PDE3A: variants seen among roughly 807,000 people sequenced by gnomAD.
PDE3A encodes phosphodiesterase 3A, also known as cGMP-inhibited 3',5'-cyclic phosphodiesterase 3A.
In PDE3A, 43 loss-of-function variants were observed where a neutral mutation model predicts 98.3. The ratio of observed to expected loss-of-function variants is 0.44; its 90% CI spans 0.34 to 0.56. The LOEUF is 0.56. Among genes scored for constraint, PDE3A ranks in the 20% least tolerant of loss-of-function variants. The pLI, the probability that PDE3A is intolerant of heterozygous loss-of-function variation, is 0.01. For synonymous variants in PDE3A, 663 were observed against 567.9 expected (o/e 1.17, Z -2.38); for missense variants, 1,427 against 1,440.7 (o/e 0.99, Z 0.15).
In PDE3A at chr12:20,616,390, A is replaced by G. The variant is rs778226818; in HGVS notation, c.1424+6A>G. 5.9e-5 allele frequency: 95 copies of G among 1,612,184 alleles called. No homozygotes were observed. The Middle Eastern group carries it at 6.7e-4, about 11-fold the overall frequency. On this transcript the variant is annotated splice_donor_region_variant and intron_variant, in intron 4 of 15. Transcript: ENST00000359062. ...CAGGAAGCACCTTCATCCAGGTGGC[A>G]TACGGCTCCTGCTGGTTTAATGTCT...
intron 2 of PDE3A, among the ~76,000 whole-genome samples, chr12:20,597,576 A>G (rs1943496473): frequency 6.6e-6 from 1 of 152,134 alleles, no homozygotes; most frequent in Non-Finnish European, 1.5e-5. Context: ...CCATTTTCAA[A>G]GTTTGGAAAA....
intron 1 of PDE3A, among the ~76,000 whole-genome samples, chr12:20,457,282 A>G (rs1247985082): frequency 6.6e-6 from 1 of 150,758 alleles, no homozygotes; most frequent in East Asian, 1.9e-4. Context: ...TAAATTTTCT[A>G]TTTTTTTCAT....
intron 2 of PDE3A, among the ~76,000 whole-genome samples, chr12:20,565,978 T>C (rs1285742283): frequency 6.6e-6 from 1 of 151,870 alleles, no homozygotes; most frequent in East Asian, 1.9e-4. Context: ...ACAAAGGTGG[T>C]TTAGCAGTTA....
At chr12:20,586,064 G>A (rs1943189071) in intron 2 of PDE3A, among the ~76,000 whole-genome samples, 1 of 152,210 alleles carries the variant, frequency 6.6e-6, no homozygotes. Flanking sequence ...CTGGAGGAGG[G>A]TAATAGCTGG....
chr12:20,384,057 G>T (rs1221621556), intron 1 of PDE3A, among the ~76,000 whole-genome samples: 1 of 151,896 alleles, frequency 6.6e-6, no homozygotes, highest in African/African-American at 2.4e-5. Context: ...GTTGGGTATT[G>T]ATGGGCTGGT....
intron 15 of PDE3A, among the ~76,000 whole-genome samples, chr12:20,679,437 CA>C (rs1945715757): frequency 6.6e-6 from 1 of 152,030 alleles, no homozygotes; most frequent in Non-Finnish European, 1.5e-5. Context: ...TTAGTAGAGA[CA>C]GGGTTTCACC....
intron 1 of PDE3A, among the ~76,000 whole-genome samples, chr12:20,492,747 C>T (rs766908116): frequency 1.3e-5 from 2 of 152,100 alleles, no homozygotes; most frequent in Non-Finnish European, 2.9e-5. Context: ...TCACCTCAAC[C>T]TCCTTTCTTT....
intron 1 of PDE3A, among the ~76,000 whole-genome samples, chr12:20,520,073 G>A (rs974422022): frequency 6.6e-5 from 10 of 152,108 alleles, no homozygotes; most frequent in Non-Finnish European, 1.5e-4. Flanking sequence ...TATGTTTAAC[G>A]CTAAAGCCTG....
Position 20,680,144 on chromosome 12 carries a change from A to G in PDE3A, c.3299A>G (p.Glu1100Gly). Reference protein sequence around the residue: ...IEEEQRLAGIENQSLDQTPQS... With the variant: ...IEEEQRLAGIGNQSLDQTPQS... ...GAGGAGCAACGGTTGGCAGGCATAG[A>G]AAATCAATCCCTGGACCAGACCCCT... The change falls in exon 16 of 16, where the codon GAA becomes GGA. Residue 1100 changes from glutamate to glycine, a missense_variant. This residue lies in a region of PDE3A where 142 missense variants were observed against 133.9 expected (regional missense o/e 1.06). Coordinates refer to ENST00000359062, the MANE Select transcript of PDE3A (RefSeq NM_000921.5). 5 of 1,614,048 alleles carry G rather than the reference A, an allele frequency of 3.1e-6. No homozygotes were observed. The highest frequency in any genetic ancestry group is 4.2e-6 in the Non-Finnish European group (5 of 1,179,962).
chr12:20,552,904 T>A lies in PDE3A; in HGVS notation c.961-3756T>A. ...ATCCTTTCGGGCACAGGTGTTCAGCTGCCCTGCCTGCCGCTACGACCTGGG... is the reference window on the plus strand; with the variant it reads ...ATCCTTTCGGGCACAGGTGTTCAGCAGCCCTGCCTGCCGCTACGACCTGGG... On this transcript the variant is annotated intron_variant, in intron 1 of 15. Transcript: ENST00000359062. This position sits in a 1 kb window ranked among gnomAD's most constrained non-coding sequence, Gnocchi z 5.1. 6.2e-7 allele frequency: 1 copy of A among 1,600,908 alleles called. No homozygotes were observed. Among genetic ancestry groups the A allele is most frequent in the Non-Finnish European group, 8.5e-7 (1 of 1,174,136 alleles).
chr12:20,652,500 T>C (rs1467844336), intron 14 of PDE3A, among the ~76,000 whole-genome samples: 3 of 152,226 alleles, frequency 2.0e-5, no homozygotes, highest in Admixed American at 6.5e-5. Context: ...GGTTTTGATT[T>C]GCATTTCACT....
intron 1 of PDE3A, 146 bp downstream of exon 1, chr12:20,370,390 TTTTTTTTTTGTTTTTTTTG>T (rs1943447632): frequency 2.2e-6 from 1 of 456,134 alleles, no homozygotes; most frequent in Non-Finnish European, 3.4e-6. Context: ...AACTAGCAGG[TTTTTTTTTTGTTTTTTTTG>T]TTTTTTTTTT....
intron 4 of PDE3A, among the ~76,000 whole-genome samples, chr12:20,619,991 T>C (rs1473268394): frequency 4.6e-5 from 7 of 152,116 alleles, no homozygotes; most frequent in African/African-American, 1.4e-4. Flanking sequence ...TTAGCATTCT[T>C]TCCTTTGAGA....
At chr12:20,374,898 G>A (rs1020461647) in intron 1 of PDE3A, among the ~76,000 whole-genome samples, 2 of 151,962 alleles carry the variant, frequency 1.3e-5, no homozygotes, top group African/African-American at 4.8e-5. Context: ...ATTGTTGTGA[G>A]TTATACTGTC....
Position 20,680,272 on chromosome 12 carries a change from C to A in PDE3A, c.*1C>A. The A allele has an allele frequency of 6.2e-7, 1 of 1,613,694 alleles. No individual in the cohort carries two copies. The highest frequency in any genetic ancestry group is 8.5e-7 in the Non-Finnish European group (1 of 1,179,750). ...ACCAACCCAAAAGCCAGACCAGTGA[C>A]AATGGATAGAATGGGCTGTGTTTCC... On this transcript the variant is annotated 3_prime_UTR_variant, in exon 16 of 16. Coordinates refer to ENST00000359062, the MANE Select transcript of PDE3A (RefSeq NM_000921.5).
chr12:20,552,830 C>G lies in PDE3A; in HGVS notation c.961-3830C>G. ...TGCTGTCAGGAGCTGGTGTTCCGGC[C>G]CATCACGACCGTGTGCCAGCACAAC... is the stretch of plus-strand genomic sequence containing the variant. On this transcript the variant is annotated intron_variant, in intron 1 of 15. Transcript: ENST00000359062. This position sits in a 1 kb window ranked among gnomAD's most constrained non-coding sequence, Gnocchi z 5.1. The G allele has an allele frequency of 6.2e-7, 1 of 1,613,954 alleles. No homozygotes were observed. The highest frequency in any genetic ancestry group is 1.3e-5 in the African/African-American group (1 of 75,062).
At chr12:20,678,753 C>A (rs1026502527) in intron 15 of PDE3A, among the ~76,000 whole-genome samples, 1 of 152,284 alleles carries the variant, frequency 6.6e-6, no homozygotes, top group Middle Eastern at 3.4e-3. Flanking sequence ...TCATTCTGTG[C>A]AAATGAGAAA....
intron 1 of PDE3A, among the ~76,000 whole-genome samples, chr12:20,473,630 C>T (rs1328397490): frequency 1.3e-5 from 2 of 152,080 alleles, no homozygotes; most frequent in Non-Finnish European, 2.9e-5. Context: ...TACAGTTAAC[C>T]TGTAGCATGA....
In PDE3A at chr12:20,369,199, GTGT is replaced by G; in HGVS notation, c.-85_-83del. ...GGGAAGAGCGTGCGTGCGTGTGTGT[GTGT>G]GTGTGTGTGCGCGCGCGCGCGTGGG... is the stretch of plus-strand genomic sequence containing the variant. On this transcript the variant is annotated 5_prime_UTR_variant, in exon 1 of 16. Transcript: ENST00000359062. The G allele has an allele frequency of 4.7e-6, 4 of 843,030 alleles. No individual in the cohort carries two copies. Among genetic ancestry groups the G allele is most frequent in the Non-Finnish European group, 7.3e-6 (4 of 551,560 alleles). The allele number at this position is 843,030 out of a possible 1,614,324, so 52.2% of individuals were successfully genotyped here.
Sources: allele counts gnomAD v4.1 joint callset (sites outside exome capture counted in the v4.1 genomes callset), GRCh38; gene constraint gnomAD v4.1.1; regional missense constraint gnomAD v4.1.1; non-coding constraint Gnocchi (gnomAD v3.1); transcripts MANE v1.5; gene names NCBI Gene and HGNC (gene_info 2026-07-23, HGNC 2026-07-21).